ARFGEF1: variants seen among roughly 807,000 people sequenced by gnomAD.
ARFGEF1 encodes brefeldin A-inhibited guanine nucleotide-exchange protein 1.
Under a neutral mutation model 231.0 loss-of-function variants are expected in ARFGEF1, and 42 were observed. The observed-to-expected ratio is 0.18, with a 90% CI of 0.14 to 0.24. ARFGEF1 has a LOEUF of 0.24. ARFGEF1 is among the 10% of genes least tolerant of loss of function. The pLI is 1.00. For synonymous variants in ARFGEF1, 710 were observed against 732.3 expected, an observed-to-expected ratio of 0.97 and a Z score of 0.49; for missense variants, 1,345 against 2,192.0, an observed-to-expected ratio of 0.61 and a Z score of 7.72.
At chr8:67,230,977 CTA>C (rs1333631659) in intron 23 of ARFGEF1, among the ~76,000 whole-genome samples, 1 of 151,990 alleles carries the variant, frequency 6.6e-6, no homozygotes, top group Non-Finnish European at 1.5e-5. Context: ...AAACCAGAAG[CTA>C]TAAAGAACTA....
chr8:67,236,369 T>A (rs1328293758), intron 22 of ARFGEF1, among the ~76,000 whole-genome samples: 1,399 of 23,030 alleles, frequency 0.061, 91 homozygotes, highest in South Asian at 0.075. Context: ...AAAAAAAATA[T>A]ATATATATAT....
intron 17 of ARFGEF1, 129 bp from the exon 18 acceptor site, chr8:67,253,751 C>T (rs1185960622): frequency 8.2e-6 from 4 of 488,196 alleles, no homozygotes; most frequent in Middle Eastern, 1.1e-3. Context: ...AAGTATTCAA[C>T]AAAATATAGA....
chr8:67,335,900 C>A (rs191294706), intron 1 of ARFGEF1, among the ~76,000 whole-genome samples: 150 of 152,272 alleles, frequency 9.9e-4, no homozygotes, highest in African/African-American at 3.4e-3. Flanking sequence ...GCGCCCACTG[C>A]CACCACGCCC....
In ARFGEF1 at chr8:67,253,036, T is replaced by C. The variant is rs552340126; in HGVS notation, c.2698+415A>G. ...GTTAACTACTAAATGGATCAGCATA[T>C]ATTAAATGCACACTGACACATGCAT... On this transcript the variant is annotated intron_variant, in intron 18 of 38. Transcript: ENST00000262215. Among the ~76,000 whole-genome samples the C allele has an allele frequency of 6.7e-4, 102 of 152,332 alleles. No individual in the cohort carries two copies. In the South Asian group the frequency reaches 7.2e-3, roughly 11 times the overall value.
intron 7 of ARFGEF1, among the ~76,000 whole-genome samples, chr8:67,281,052 G>A (rs1026681960): frequency 1.1e-4 from 17 of 151,542 alleles, no homozygotes; most frequent in African/African-American, 4.1e-4. Context: ...GAAAAATGGG[G>A]TTCTTGGGGA....
intron 5 of ARFGEF1, chr8:67,175,630 GGT>G (rs1210589800): frequency 4.3e-6 from 3 of 705,840 alleles, no homozygotes; most frequent in Non-Finnish European, 7.7e-6. Flanking sequence ...CCACTAGGGT[GGT>G]GTATTCATGC....
chr8:67,339,848 G>T, intron 1 of ARFGEF1, among the ~76,000 whole-genome samples: 1 of 127,268 alleles, frequency 7.9e-6, no homozygotes, highest in Non-Finnish European at 1.6e-5. Flanking sequence ...AATGAAGTCT[G>T]ACATAAGAAA....
intron 1 of ARFGEF1, among the ~76,000 whole-genome samples, chr8:67,318,321 T>TTCAGCA (rs774313836): frequency 4.9e-4 from 73 of 149,696 alleles, no homozygotes; most frequent in Non-Finnish European, 7.4e-4. Flanking sequence ...TTTGACAAAA[T>TTCAGCA]TCAGCATCCA....
intron 1 of ARFGEF1, among the ~76,000 whole-genome samples, chr8:67,314,250 C>A (rs780068215): frequency 2.9e-4 from 44 of 152,276 alleles, no homozygotes; most frequent in South Asian, 1.7e-3. Flanking sequence ...GTCTACAAGC[C>A]GCAGATGGAT....
chr8:67,301,560 A>T (rs879920030), intron 2 of ARFGEF1, among the ~76,000 whole-genome samples, 180 bp from the exon 3 acceptor site: 1 of 152,210 alleles, frequency 6.6e-6, no homozygotes, highest in Non-Finnish European at 1.5e-5. Flanking sequence ...ACATAGTCAA[A>T]AGCTAGTGGC....
chr8:67,199,755 T>C (rs1838255472), intron 38 of ARFGEF1: 1 of 156,862 alleles, frequency 6.4e-6, no homozygotes, highest in Admixed American at 6.1e-5. Context: ...GCCACATCAC[T>C]AGGCATTTTT....
chr8:67,287,996 A>G lies in ARFGEF1; in HGVS notation c.986T>C (p.Val329Ala). 1.9e-6 allele frequency: 3 copies of G among 1,607,980 alleles called. No individual in the cohort carries two copies. The highest frequency in any genetic ancestry group is 2.5e-6 in the Non-Finnish European group (3 of 1,178,178). ...HDCEEKPQDIVQNIVEEMVNI... is the reference protein window; with the variant it reads ...HDCEEKPQDIAQNIVEEMVNI... ...CACCATTTCTTCTACAATGTTCTGTACAATGTCTTGTGGCTTTTCCTCACA... is the reference window on the plus strand; with the variant it reads ...CACCATTTCTTCTACAATGTTCTGTGCAATGTCTTGTGGCTTTTCCTCACA... Residue 329 changes from valine (V) to alanine (A), a missense_variant, in exon 7 of 39, where the codon GTA (valine) becomes GCA (alanine). Around this residue, in one of 14 missense-constraint regions of ARFGEF1, gnomAD observed 398 missense variants for 463.2 expected, o/e 0.86. Transcript: ENST00000262215.
chr8:67,254,445 A>G (rs768171512), intron 17 of ARFGEF1, among the ~76,000 whole-genome samples: 57 of 152,204 alleles, frequency 3.7e-4, no homozygotes, highest in Non-Finnish European at 7.5e-4. Flanking sequence ...CACCTTCCAT[A>G]AAGAACTTAA....
intron 15 of ARFGEF1, among the ~76,000 whole-genome samples, 184 bp from the exon 16 acceptor site, chr8:67,258,474 GC>G (rs1421000025): frequency 2.0e-5 from 3 of 152,122 alleles, no homozygotes; most frequent in East Asian, 3.9e-4. Flanking sequence ...AAAGGCGCCT[GC>G]TACTGCGCCC....
At chr8:67,288,658 G>A (rs552937173) in intron 6 of ARFGEF1, among the ~76,000 whole-genome samples, 9 of 152,196 alleles carry the variant, frequency 5.9e-5, no homozygotes, top group Admixed American at 1.3e-4. Context: ...GCTTGAACTC[G>A]GGAGGTAGAG....
chr8:67,330,344 T>A (rs2128933012), intron 1 of ARFGEF1, among the ~76,000 whole-genome samples: 1 of 152,264 alleles, frequency 6.6e-6, no homozygotes, highest in African/African-American at 2.4e-5. Context: ...AATGTGTACA[T>A]ATTACAAACA....
At position 67,305,636 on chromosome 8, in the gene ARFGEF1, C is replaced by A. The variant is rs191656455; in HGVS notation, c.125-3170G>T. 4.4e-3 allele frequency among the ~76,000 whole-genome samples: 675 copies of A among 152,208 alleles called. 6 individuals are homozygous for A. Among genetic ancestry groups the A allele is most frequent in the African/African-American group, 0.016 (648 of 41,546 alleles). ...TGCTGGGATTACAGGTGTGAGCCAC[C>A]GCGCCCGGCCTTGTTTTTCTAGTCT... On this transcript the variant is annotated intron_variant, in intron 1 of 38. Coordinates refer to ENST00000262215, the MANE Select transcript of ARFGEF1 (RefSeq NM_006421.5).
intron 1 of ARFGEF1, among the ~76,000 whole-genome samples, chr8:67,313,437 T>C (rs1195177709): frequency 3.9e-5 from 6 of 152,208 alleles, no homozygotes; most frequent in Admixed American, 3.9e-4. Flanking sequence ...GGTCTAGGGC[T>C]GAAGGCTGTT....
intron 17 of ARFGEF1, among the ~76,000 whole-genome samples, chr8:67,257,269 C>T (rs1218323801): frequency 1.3e-5 from 2 of 152,142 alleles, no homozygotes; most frequent in East Asian, 3.9e-4. Context: ...TTTGTAGAGA[C>T]AGGGTTTCAT....
Sources: allele counts gnomAD v4.1 joint callset (sites outside exome capture counted in the v4.1 genomes callset), GRCh38; gene constraint gnomAD v4.1.1; regional missense constraint gnomAD v4.1.1; transcripts MANE v1.5; gene names NCBI Gene and HGNC (gene_info 2026-07-23, HGNC 2026-07-21).